TRHDE: variants seen among roughly 807,000 people sequenced by gnomAD.
TRHDE encodes the protein thyrotropin-releasing hormone-degrading ectoenzyme.
In TRHDE, 72 loss-of-function variants were observed where a neutral mutation model predicts 125.7. The observed-to-expected ratio is 0.57, with a 90% confidence interval of 0.47 to 0.70. The LOEUF (loss-of-function observed/expected upper bound fraction) is 0.70, where lower values mean the gene tolerates loss of function less well. TRHDE is among the 30% of genes least tolerant of loss of function. The pLI is 0.00. For synonymous variants in TRHDE, 509 were observed against 509.1 expected (o/e 1.00, Z 0.00); for missense variants, 1,110 against 1,327.1 (o/e 0.84, Z 2.54).
intron 2 of TRHDE, among the ~76,000 whole-genome samples, chr12:72,110,202 T>C (rs1051091693): frequency 2.6e-5 from 4 of 152,056 alleles, no homozygotes; most frequent in South Asian, 2.1e-4. Flanking sequence ...ATTTTCCCTA[T>C]ATAATAATTT....
intron 2 of TRHDE, among the ~76,000 whole-genome samples, chr12:72,351,160 C>T (rs1870564380): frequency 6.6e-6 from 1 of 151,918 alleles, no homozygotes; most frequent in South Asian, 2.1e-4. Context: ...AAGAGTGAAG[C>T]TCTGGGAAGT....
intron 2 of TRHDE, among the ~76,000 whole-genome samples, chr12:72,222,169 G>GA (rs1009115603): frequency 6.6e-6 from 1 of 151,298 alleles, no homozygotes; most frequent in East Asian, 1.9e-4. Flanking sequence ...GTTAACACTG[G>GA]AAAAAAAAAG....
intron 1 of TRHDE, among the ~76,000 whole-genome samples, chr12:72,090,170 C>T (rs553400986): frequency 1.8e-4 from 28 of 152,052 alleles, no homozygotes; most frequent in African/African-American, 6.3e-4. Context: ...CTGTAAAAGC[C>T]CTCTGGAAGA....
In TRHDE at chr12:72,430,559, G is replaced by T. The variant is rs566297076; in HGVS notation, c.1316-39199G>T. ...CATTGGATTGTCACTGCATTCTTGTGAAAAAATTAATTTACCATAAATATG... is the reference window on the plus strand; with the variant it reads ...CATTGGATTGTCACTGCATTCTTGTTAAAAAATTAATTTACCATAAATATG... On this transcript the variant is annotated intron_variant, in intron 3 of 18. Transcript: ENST00000261180. Among the ~76,000 whole-genome samples the T allele has an allele frequency of 3.3e-5, 5 of 151,038 alleles. No individual in the cohort carries two copies. In the South Asian group the frequency reaches 1.0e-3, roughly 31 times the overall value.
chr12:72,635,014 C>T (rs1425745893), intron 15 of TRHDE, among the ~76,000 whole-genome samples: 1 of 151,982 alleles, frequency 6.6e-6, no homozygotes, highest in Non-Finnish European at 1.5e-5. Flanking sequence ...TGGGTATATA[C>T]CCAGTAATGG....
chr12:72,179,346 GGA>G (rs1221097870), intron 2 of TRHDE, among the ~76,000 whole-genome samples: 2 of 152,002 alleles, frequency 1.3e-5, no homozygotes, highest in African/African-American at 4.8e-5. Flanking sequence ...TGTCCCGTTG[GGA>G]GAGAAATATC....
intron 3 of TRHDE, among the ~76,000 whole-genome samples, chr12:72,430,425 A>ACACACGTATATATATG (rs1555185584): frequency 2.7e-5 from 4 of 147,694 alleles, no homozygotes; most frequent in African/African-American, 7.4e-5. Context: ...ATATATATAC[A>ACACACGTATATATATG]TGTATATATA....
intron 2 of TRHDE, among the ~76,000 whole-genome samples, chr12:72,312,343 A>C (rs1868583785): frequency 6.6e-6 from 1 of 152,202 alleles, no homozygotes; most frequent in African/African-American, 2.4e-5. Context: ...ATTGTTCAAC[A>C]AATAACAGGA....
intron 2 of TRHDE, among the ~76,000 whole-genome samples, chr12:72,182,594 C>G (rs1877116212): frequency 6.6e-6 from 1 of 152,176 alleles, no homozygotes; most frequent in South Asian, 2.1e-4. Flanking sequence ...TTATCCACTC[C>G]TGCTGAAAGC....
Position 72,286,582 on chromosome 12 carries a change from T to C in TRHDE, c.915-99T>C. On this transcript the variant is annotated intron_variant, in intron 1 of 18. Transcript: ENST00000261180. ...TTGGTTCAGAAAAAAATATTGCAAT[T>C]TGGAATAATATATTATTTCATCAAC... is the stretch of plus-strand genomic sequence containing the variant. The C allele has an allele frequency of 5.0e-6, 6 of 1,188,320 alleles. No homozygotes were observed. The South Asian group carries it at 7.6e-5, about 15-fold the overall frequency. The allele number at this position is 1,188,320 out of a possible 1,614,324, so 73.6% of individuals were successfully genotyped here.
chr12:72,326,480 T>C (rs529698260), intron 2 of TRHDE, among the ~76,000 whole-genome samples: 2 of 152,232 alleles, frequency 1.3e-5, no homozygotes, highest in Admixed American at 6.5e-5. Context: ...GACGGGTTGA[T>C]AGGTGCAGCA....
At chr12:72,243,724 T>C (rs1248924509) in intron 2 of TRHDE, among the ~76,000 whole-genome samples, 1 of 152,210 alleles carries the variant, frequency 6.6e-6, no homozygotes, top group Non-Finnish European at 1.5e-5. Flanking sequence ...TATATTTGCA[T>C]CATCAGACTG....
At chr12:72,342,428 G>A (rs569745866) in intron 2 of TRHDE, among the ~76,000 whole-genome samples, 28 of 152,160 alleles carry the variant, frequency 1.8e-4, no homozygotes, top group African/African-American at 6.7e-4. Context: ...CCTGGTATTT[G>A]CTAAAAATTT....
intron 1 of TRHDE, among the ~76,000 whole-genome samples, chr12:72,092,848 C>A (rs575057497): frequency 2.0e-3 from 309 of 152,316 alleles, no homozygotes; most frequent in Non-Finnish European, 3.5e-3. Flanking sequence ...TCACAACTTA[C>A]ATGTATTATC....
intron 5 of TRHDE, among the ~76,000 whole-genome samples, chr12:72,485,559 T>G (rs1460585617): frequency 6.6e-6 from 1 of 152,052 alleles, no homozygotes; most frequent in East Asian, 1.9e-4. Flanking sequence ...CAGGGGCCTC[T>G]GCCACACCAG....
At chr12:72,362,942 G>C (rs1316939885) in intron 2 of TRHDE, among the ~76,000 whole-genome samples, 1 of 152,040 alleles carries the variant, frequency 6.6e-6, no homozygotes, top group African/African-American at 2.4e-5. Context: ...TTTGGTACCA[G>C]TACCATGCTG....
At chr12:72,127,162 A>T (rs1875733520) in intron 2 of TRHDE, among the ~76,000 whole-genome samples, 1 of 152,174 alleles carries the variant, frequency 6.6e-6, no homozygotes, top group South Asian at 2.1e-4. Context: ...CACCAGTCAG[A>T]ATGGCTATTA....
intron 2 of TRHDE, among the ~76,000 whole-genome samples, chr12:72,128,287 T>A (rs1265085353): frequency 2.0e-5 from 3 of 152,200 alleles, no homozygotes; most frequent in Non-Finnish European, 4.4e-5. Flanking sequence ...ATAACTTAAC[T>A]GATAAACTGT....
intron 2 of TRHDE, among the ~76,000 whole-genome samples, chr12:72,357,895 C>A: frequency 6.6e-6 from 1 of 150,654 alleles, no homozygotes; most frequent in East Asian, 2.0e-4. Flanking sequence ...TCAAAGAGAC[C>A]ATGCTTTTGG....
Sources: allele counts gnomAD v4.1 joint callset (sites outside exome capture counted in the v4.1 genomes callset), GRCh38; gene constraint gnomAD v4.1.1; transcripts MANE v1.5; gene names NCBI Gene and HGNC (gene_info 2026-07-23, HGNC 2026-07-21).